The following IL22RA1 variants were observed in gnomAD, a reference collection of about 807,000 sequenced individuals.
The protein encoded by IL22RA1 is interleukin 22 receptor subunit alpha 1, also known as interleukin-22 receptor subunit alpha-1.
IL22RA1 carries 25 observed loss-of-function variants against 32.8 expected under a neutral mutation model. The observed-to-expected ratio is 0.76, with a 90% confidence interval of 0.55 to 1.06. IL22RA1 has a LOEUF of 1.06. IL22RA1 is among the 50% of genes least tolerant of loss of function. The pLI is 0.00. For synonymous variants in IL22RA1, 305 were observed against 305.0 expected (o/e 1.00, Z 0.00); for missense variants, 709 against 727.4 (o/e 0.97, Z 0.29).
chr1:24,141,779 A>G (rs998042031), intron 1 of IL22RA1, among the ~76,000 whole-genome samples: 1 of 152,154 alleles, frequency 6.6e-6, no homozygotes, highest in African/African-American at 2.4e-5. Context: ...CTGGGGAGAC[A>G]TGTGTTGTGT....
intron 1 of IL22RA1, 73 bp downstream of exon 1, chr1:24,142,967 T>G: frequency 7.1e-7 from 1 of 1,407,798 alleles, no homozygotes; most frequent in Non-Finnish European, 1.0e-6. Context: ...CTGGGGAGGG[T>G]GCTGGGGAGA....
At chr1:24,141,298 A>G (rs1337351692) in intron 1 of IL22RA1, among the ~76,000 whole-genome samples, 1 of 152,158 alleles carries the variant, frequency 6.6e-6, no homozygotes, top group Non-Finnish European at 1.5e-5. Flanking sequence ...CTGAGTCTAA[A>G]GTTGAGGAAA....
Position 24,137,305 on chromosome 1 carries a change from C to G in IL22RA1, c.181G>C (p.Gly61Arg). ...TVYSIEYKTY[G>R]ERDWVAKKGC... is the part of the protein sequence containing the mutation. ...TTCTTTGCCACCCAGTCCCTCTCTCCGTACCTGCAGGTCAGGAAGGGGCCA... is the reference window on the plus strand; with the variant it reads ...TTCTTTGCCACCCAGTCCCTCTCTCGGTACCTGCAGGTCAGGAAGGGGCCA... The change falls in exon 3 of 7, where the codon GGA (glycine) becomes CGA (arginine). Residue 61 changes from glycine to arginine, a missense_variant. Transcript: ENST00000270800. 1.2e-6 allele frequency: 2 copies of G among 1,613,522 alleles called. No homozygotes were observed. Among genetic ancestry groups the G allele is most frequent in the Non-Finnish European group, 1.7e-6 (2 of 1,179,564 alleles).
At chr1:24,126,066 C>A (rs1296390367) in intron 5 of IL22RA1, among the ~76,000 whole-genome samples, 1 of 152,150 alleles carries the variant, frequency 6.6e-6, no homozygotes, top group Non-Finnish European at 1.5e-5. Context: ...GCTGGTGGGC[C>A]AGGTCCCATG....
intron 4 of IL22RA1, among the ~76,000 whole-genome samples, chr1:24,132,513 T>A (rs1229213509): frequency 1.3e-5 from 2 of 151,696 alleles, no homozygotes; most frequent in African/African-American, 2.4e-5. Flanking sequence ...TTGTATTTTT[T>A]AATAGGGACA....
intron 6 of IL22RA1, 134 bp from the exon 7 acceptor site, chr1:24,121,871 C>T (rs1283400070): frequency 5.3e-6 from 3 of 568,676 alleles, no homozygotes; most frequent in East Asian, 3.2e-5. Context: ...GTCCCATATC[C>T]CCATCTGCTT....
intron 3 of IL22RA1, among the ~76,000 whole-genome samples, chr1:24,135,474 A>G (rs958254263): frequency 1.3e-5 from 2 of 152,254 alleles, no homozygotes; most frequent in African/African-American, 2.4e-5. Context: ...TTAAAAAGCT[A>G]TGTGTGACTA....
intron 1 of IL22RA1, 115 bp downstream of exon 1, chr1:24,142,925 C>G (rs1644291537): frequency 1.0e-6 from 1 of 1,003,750 alleles, no homozygotes; most frequent in African/African-American, 1.6e-5. Flanking sequence ...TCAGCCCTAG[C>G]AGGGGAGAAA....
At chr1:24,138,373 A>G (rs1293532908) in intron 2 of IL22RA1, among the ~76,000 whole-genome samples, 1 of 152,220 alleles carries the variant, frequency 6.6e-6, no homozygotes, top group Admixed American at 6.5e-5. Flanking sequence ...ATTTAAGCCC[A>G]GACAGCCTGA....
At chr1:24,131,355 A>C (rs1401014395) in intron 4 of IL22RA1, among the ~76,000 whole-genome samples, 1 of 152,220 alleles carries the variant, frequency 6.6e-6, no homozygotes, top group East Asian at 1.9e-4. Flanking sequence ...AAAAAAGGTA[A>C]AGGCTGTCAG....
chr1:24,121,708 C>A lies in IL22RA1; in HGVS notation c.822G>T (p.Pro274=), dbSNP rs143248338. The A allele has an allele frequency of 1.9e-6, 3 of 1,558,902 alleles. No homozygotes were observed. The highest frequency in any genetic ancestry group is 2.3e-5 in the East Asian group (1 of 43,784). The change falls in exon 7 of 7, where the codon CCG becomes CCT. Residue 274 remains proline (P), a synonymous_variant. Coordinates refer to ENST00000270800, the MANE Select transcript of IL22RA1 (RefSeq NM_021258.4). ...GGACGTGCTCCTGGATGAAGCGCAG[C>A]GGCTGGAAAGTCAGGACTCGCTGGA... is the stretch of plus-strand genomic sequence containing the variant. The part of the protein sequence containing the change: ...LNVQRVLTFQ[P]LRFIQEHVLI...
Position 24,121,017 on chromosome 1 carries a change from C to T in IL22RA1, c.1513G>A (p.Glu505Lys), listed in dbSNP as rs1055311110. ...QLPLLSSVQI[E>K]GHPMSLPLQP... ...AAAGGGAGGGACATGGGGTGGCCCT[C>T]GATCTGGACTGAGGAGAGGAGGGGG... Residue 505 changes from glutamate to lysine, a missense_variant, in exon 7 of 7, where the codon GAG (glutamate) becomes AAG (lysine). By Grantham distance (56) the Glu-to-Lys change is moderately conservative. Coordinates refer to ENST00000270800, the MANE Select transcript of IL22RA1 (RefSeq NM_021258.4). 1.3e-5 allele frequency: 21 copies of T among 1,613,990 alleles called. No individual in the cohort carries two copies. Among genetic ancestry groups the T allele is most frequent in the Non-Finnish European group, 1.7e-5 (20 of 1,179,966 alleles).
intron 5 of IL22RA1, among the ~76,000 whole-genome samples, chr1:24,125,871 G>A (rs934199846): frequency 3.9e-5 from 6 of 152,226 alleles, no homozygotes; most frequent in Admixed American, 3.9e-4. Flanking sequence ...TGTAGGAATT[G>A]TTTTAAATAT....
intron 4 of IL22RA1, among the ~76,000 whole-genome samples, chr1:24,128,776 T>C (rs1644182725): frequency 2.0e-5 from 3 of 152,202 alleles, no homozygotes; most frequent in Non-Finnish European, 1.5e-5. Flanking sequence ...TCTTTCATGG[T>C]CGCCCATCTC....
chr1:24,125,358 G>A lies in IL22RA1; in HGVS notation c.671-1935C>T, dbSNP rs551570208. Among the ~76,000 whole-genome samples the A allele has an allele frequency of 2.6e-5, 4 of 152,198 alleles. No individual in the cohort carries two copies. The South Asian group carries it at 8.3e-4, about 32-fold the overall frequency. On this transcript the variant is annotated intron_variant, in intron 5 of 6. Coordinates refer to ENST00000270800, the MANE Select transcript of IL22RA1 (RefSeq NM_021258.4). ...ATCCTCCCTGCCACTCTGCAAGGAA[G>A]CCTCAGTTTCCTCATCTGTAAGAGT...
chr1:24,121,881 T>C (rs4442319), intron 6 of IL22RA1, 144 bp from the exon 7 acceptor site: 334,999 of 507,370 alleles, frequency 0.66, 112,090 homozygotes, highest in South Asian at 0.81. Flanking sequence ...CCCATCTGCT[T>C]CCCAGAGACT....
intron 3 of IL22RA1, among the ~76,000 whole-genome samples, chr1:24,136,900 C>A (rs1033769817): frequency 6.6e-6 from 1 of 150,502 alleles, no homozygotes; most frequent in Non-Finnish European, 1.5e-5. Context: ...GTGGTCTGAA[C>A]TAGGGAGGTT....
At chr1:24,136,670 G>A (rs1644244505) in intron 3 of IL22RA1, among the ~76,000 whole-genome samples, 1 of 152,244 alleles carries the variant, frequency 6.6e-6, no homozygotes, top group African/African-American at 2.4e-5. Flanking sequence ...TGAGGACCAG[G>A]ATAGGCAGGG....
chr1:24,134,692 C>A (rs1375025411), intron 3 of IL22RA1, among the ~76,000 whole-genome samples: 1 of 152,136 alleles, frequency 6.6e-6, no homozygotes, highest in African/African-American at 2.4e-5. Context: ...CCCCCTGCGT[C>A]CCCACCTTAA....
Sources: gnomAD v4.1 joint callset for allele counts (sites outside exome capture counted in the v4.1 genomes callset) on GRCh38, gnomAD v4.1.1 for gene constraint, MANE v1.5 for transcripts, NCBI Gene and HGNC (gene_info 2026-07-23, HGNC 2026-07-21) for gene names.